DSC3: variants seen among roughly 807,000 people sequenced by gnomAD.
DSC3 encodes the protein desmocollin 3.
DSC3 carries 97 observed loss-of-function variants against 89.5 expected under a neutral mutation model. That is an observed-to-expected ratio of 1.08 (90% confidence interval 0.92 to 1.28). DSC3 has a LOEUF of 1.28. Among genes scored for constraint, DSC3 ranks in the 50% most tolerant of loss-of-function variants. The probability of loss-of-function intolerance (pLI) is 0.00; values close to 1 mark genes in which losing one functional copy is unlikely to be tolerated. For missense variants in DSC3, 1,199 were observed against 1,085.3 expected (o/e 1.10, Z -1.47); for synonymous variants, 436 against 384.1 (o/e 1.14, Z -1.58).
chr18:31,039,002 A>C (rs1327469961), intron 1 of DSC3, among the ~76,000 whole-genome samples: 1 of 152,120 alleles, frequency 6.6e-6, no homozygotes, highest in African/African-American at 2.4e-5. Context: ...AAAACAAAAT[A>C]AAGTAAAAAA....
In DSC3 at chr18:30,992,214, A is replaced by T. The variant is rs907593030; in HGVS notation, c.*1961T>A. 6.6e-6 allele frequency: 1 copy of T among 151,526 alleles called. No homozygotes were observed. The highest frequency in any genetic ancestry group is 2.4e-5 in the African/African-American group (1 of 41,320). The allele number at this position is 151,526 out of a possible 1,614,324, so 9.4% of individuals were successfully genotyped here. A position where few individuals can be genotyped will look rare whatever the true frequency, so the allele number is the denominator to read the frequency against. On this transcript the variant is annotated 3_prime_UTR_variant, in exon 16 of 16. Coordinates refer to ENST00000360428, the MANE Select transcript of DSC3 (RefSeq NM_001941.5). Reference sequence around the variant, plus strand: ...GCAATAAAAAGTCTAAGTCTAAAACACATAGATTTTAGGGTCAAATTAGAA... The same window carrying T: ...GCAATAAAAAGTCTAAGTCTAAAACTCATAGATTTTAGGGTCAAATTAGAA...
At chr18:31,012,604 G>A (rs887574226) in intron 9 of DSC3, among the ~76,000 whole-genome samples, 1 of 152,146 alleles carries the variant, frequency 6.6e-6, no homozygotes, top group Non-Finnish European at 1.5e-5. Flanking sequence ...CTGGAAATGA[G>A]AAGAATTAGA....
At chr18:31,033,665 T>G (rs1443395791) in intron 1 of DSC3, among the ~76,000 whole-genome samples, 1 of 152,178 alleles carries the variant, frequency 6.6e-6, no homozygotes, top group Non-Finnish European at 1.5e-5. Context: ...CAAATCTTTA[T>G]GATGTTGGGT....
rs1984485599 is a variant in DSC3, at chr18:30,996,847, T to TA, written c.2436_2437insT (p.Asn813Ter). 2 of 1,613,688 alleles carry TA rather than the reference T, an allele frequency of 1.2e-6. No homozygotes were observed. Among genetic ancestry groups the TA allele is most frequent in the Admixed American group, 3.3e-5 (2 of 59,948 alleles). ...CACTCCGAGTAAGTGTATCTGCAGTTGTCCACCTCCGTGTGTCCTCCCCTG... is the reference window on the plus strand; with the variant it reads ...CACTCCGAGTAAGTGTATCTGCAGTTAGTCCACCTCCGTGTGTCCTCCCCTG... On this transcript the variant is annotated frameshift_variant, in exon 15 of 16. Coordinates refer to ENST00000360428, the MANE Select transcript of DSC3 (RefSeq NM_001941.5). LOFTEE classifies it high-confidence loss of function.
chr18:31,004,506 C>G, intron 12 of DSC3, 140 bp from the exon 13 acceptor site: 2 of 732,930 alleles, frequency 2.7e-6, no homozygotes, highest in Non-Finnish European at 2.2e-6. Context: ...GGAGGACTGT[C>G]TTCAACCCTT....
intron 7 of DSC3, among the ~76,000 whole-genome samples, chr18:31,020,717 G>T (rs760080359): frequency 6.6e-6 from 1 of 152,064 alleles, no homozygotes; most frequent in Non-Finnish European, 1.5e-5. Context: ...GCTGAGGCAG[G>T]CTTATTGCTT....
At chr18:31,022,171 G>A (rs987428013) in intron 7 of DSC3, among the ~76,000 whole-genome samples, 165 bp downstream of exon 7, 2 of 151,952 alleles carry the variant, frequency 1.3e-5, no homozygotes, top group East Asian at 1.9e-4. Flanking sequence ...TCTAACATAA[G>A]GAAATAGAAA....
At chr18:31,007,677 C>A (rs1335541593) in intron 11 of DSC3, among the ~76,000 whole-genome samples, 1 of 152,100 alleles carries the variant, frequency 6.6e-6, no homozygotes, top group African/African-American at 2.4e-5. Flanking sequence ...TGCAGCTGAA[C>A]TATATAAAAG....
intron 15 of DSC3, among the ~76,000 whole-genome samples, chr18:30,996,461 T>G (rs1442749323): frequency 1.3e-5 from 2 of 152,196 alleles, no homozygotes; most frequent in Non-Finnish European, 2.9e-5. Flanking sequence ...TTGAAAAGTT[T>G]GTAATTGTGA....
chr18:31,007,235 A>C (rs1984884581), intron 11 of DSC3, 104 bp from the exon 12 acceptor site: 2 of 756,818 alleles, frequency 2.6e-6, no homozygotes, highest in Non-Finnish European at 4.4e-6. Flanking sequence ...TTTTTAAATA[A>C]ACTGATTATT....
At chr18:31,011,321 G>A (rs1379855473) in intron 9 of DSC3, among the ~76,000 whole-genome samples, 1 of 152,202 alleles carries the variant, frequency 6.6e-6, no homozygotes, top group African/African-American at 2.4e-5. Context: ...AATGCTGTAT[G>A]TTTTTGTTAA....
intron 1 of DSC3, among the ~76,000 whole-genome samples, chr18:31,035,769 C>T (rs140760616): frequency 1.7e-4 from 26 of 152,044 alleles, no homozygotes; most frequent in Non-Finnish European, 2.9e-4. Flanking sequence ...AATTTACACA[C>T]GTAGCTAAAG....
rs1984487800 is a variant in DSC3, at chr18:30,996,867, C to G, written c.2417G>C (p.Gly806Ala). The G allele has an allele frequency of 1.2e-6, 2 of 1,613,930 alleles. No individual in the cohort carries two copies. The highest frequency in any genetic ancestry group is 1.7e-6 in the Non-Finnish European group (2 of 1,180,022). ...GHHHTLDSCR[G>A]GHTEVDNCRY... is the part of the protein sequence containing the mutation. ...GCAGTTGTCCACCTCCGTGTGTCCT[C>G]CCCTGCAGGAGTCCAGGGTATGATG... The change falls in exon 15 of 16, where the codon GGA (glycine) becomes GCA (alanine). Residue 806 changes from glycine (G) to alanine (A), a missense_variant. Coordinates refer to ENST00000360428, the MANE Select transcript of DSC3 (RefSeq NM_001941.5).
At chr18:31,027,812 A>C (rs1290813279) in intron 4 of DSC3, among the ~76,000 whole-genome samples, 1 of 152,122 alleles carries the variant, frequency 6.6e-6, no homozygotes, top group Non-Finnish European at 1.5e-5. Flanking sequence ...CCCTACGGAC[A>C]ATTCTGAAAA....
At position 30,995,971 on chromosome 18, in the gene DSC3, T is replaced by TAAAAA. The variant is rs1196444633; in HGVS notation, c.2493+815_2493+819dup. Reference sequence around the variant, plus strand: ...TCAGCGACAGAGCAAGACCCTGCCTTAAAAAAAAAAAAAAAAAAAAAAAAA... The same window carrying TAAAAA: ...TCAGCGACAGAGCAAGACCCTGCCTTAAAAAAAAAAAAAAAAAAAAAAAAAAAAAA... On this transcript the variant is annotated intron_variant, in intron 15 of 15. Coordinates refer to ENST00000360428, the MANE Select transcript of DSC3 (RefSeq NM_001941.5). Among the ~76,000 whole-genome samples, 195 of 36,988 alleles carry TAAAAA rather than the reference T, an allele frequency of 5.3e-3. 3 individuals carry two copies. The highest frequency in any genetic ancestry group is 8.0e-3 in the South Asian group (5 of 624). The allele number at this position is 36,988 out of a possible 152,430, so 24.3% of individuals were successfully genotyped here. A position where few individuals can be genotyped will look rare whatever the true frequency, so the allele number is the denominator to read the frequency against.
intron 14 of DSC3, among the ~76,000 whole-genome samples, chr18:30,997,379 G>A (rs921151505): frequency 3.3e-5 from 5 of 152,164 alleles, no homozygotes; most frequent in African/African-American, 1.2e-4. Context: ...GAGCACGAGT[G>A]AGAGGGAGAG....
At chr18:31,022,994 T>G (rs565797629) in intron 6 of DSC3, among the ~76,000 whole-genome samples, 1 of 152,278 alleles carries the variant, frequency 6.6e-6, no homozygotes, top group East Asian at 1.9e-4. Flanking sequence ...TACTTCCTGA[T>G]TTGATTTGTT....
At chr18:31,039,035 T>G (rs1313083617) in intron 1 of DSC3, among the ~76,000 whole-genome samples, 1 of 152,118 alleles carries the variant, frequency 6.6e-6, no homozygotes, top group Non-Finnish European at 1.5e-5. Flanking sequence ...AGTATATTAA[T>G]GATGAACTAA....
chr18:31,007,220 ATC>A (rs2144690603), intron 11 of DSC3, 89 bp from the exon 12 acceptor site: 4 of 873,346 alleles, frequency 4.6e-6, no homozygotes, highest in Admixed American at 4.5e-5. Context: ...TCTATACATG[ATC>A]TGTTTTTAAA....
Sources: allele counts gnomAD v4.1 joint callset (sites outside exome capture counted in the v4.1 genomes callset), GRCh38; gene constraint gnomAD v4.1.1; transcripts MANE v1.5; gene names NCBI Gene and HGNC (gene_info 2026-07-23, HGNC 2026-07-21).